The following GRIK2 variants were observed in gnomAD, a reference collection of about 807,000 sequenced individuals.
GRIK2 encodes the protein glutamate receptor ionotropic, kainate 2.
Under a neutral mutation model 100.3 loss-of-function variants are expected in GRIK2, and 32 were observed. The ratio of observed to expected loss-of-function variants is 0.32; its 90% CI spans 0.24 to 0.43. The LOEUF (loss-of-function observed/expected upper bound fraction) is 0.43. GRIK2 is among the 20% of genes least tolerant of loss of function. The pLI, the probability that GRIK2 is intolerant of heterozygous loss-of-function variation, is 1.00. For missense variants in GRIK2, 843 were observed against 1,114.9 expected, an observed-to-expected ratio of 0.76 and a Z score of 3.47; for synonymous variants, 417 against 389.4, an observed-to-expected ratio of 1.07 and a Z score of -0.83.
chr6:101,537,664 A>G (rs1271116147), intron 2 of GRIK2, among the ~76,000 whole-genome samples: 1 of 151,832 alleles, frequency 6.6e-6, no homozygotes, highest in East Asian at 1.9e-4. Flanking sequence ...ACTTATGAGA[A>G]CTATCAATAG....
chr6:101,447,959 A>G (rs151160542), intron 2 of GRIK2, among the ~76,000 whole-genome samples: 5 of 151,808 alleles, frequency 3.3e-5, no homozygotes, highest in East Asian at 1.9e-4. Flanking sequence ...AGTGAACTCA[A>G]TCATGTAGCA....
intron 4 of GRIK2, among the ~76,000 whole-genome samples, chr6:101,661,883 G>T (rs1453786089): frequency 6.6e-6 from 1 of 152,136 alleles, no homozygotes; most frequent in Non-Finnish European, 1.5e-5. Context: ...ATCTCTCTGG[G>T]AGCTGCAGAC....
intron 14 of GRIK2, among the ~76,000 whole-genome samples, chr6:101,995,614 T>A (rs1794609707): frequency 6.6e-6 from 1 of 151,932 alleles, no homozygotes. Flanking sequence ...TATTTCCAAA[T>A]AAGAAAAGAG....
intron 2 of GRIK2, among the ~76,000 whole-genome samples, chr6:101,613,947 A>G (rs1183627273): frequency 6.6e-6 from 1 of 151,664 alleles, no homozygotes; most frequent in African/African-American, 2.4e-5. Context: ...ATGATTAAAA[A>G]CTTTAGGAAA....
At chr6:101,398,052 A>G (rs992204655) in intron 1 of GRIK2, among the ~76,000 whole-genome samples, 6 of 152,156 alleles carry the variant, frequency 3.9e-5, no homozygotes, top group Non-Finnish European at 8.8e-5. Context: ...CAAGAGAGTC[A>G]CTACCTAGTG....
intron 7 of GRIK2, among the ~76,000 whole-genome samples, chr6:101,706,912 A>T (rs757535126): frequency 2.0e-5 from 3 of 151,890 alleles, no homozygotes; most frequent in Non-Finnish European, 4.4e-5. Flanking sequence ...GTTTCAGCAG[A>T]GCTTCTTCAT....
At chr6:101,529,340 A>T (rs1180846246) in intron 2 of GRIK2, among the ~76,000 whole-genome samples, 1 of 152,074 alleles carries the variant, frequency 6.6e-6, no homozygotes, top group African/African-American at 2.4e-5. Flanking sequence ...CGATAATTCC[A>T]TTATAGTCTC....
chr6:101,712,122 T>A (rs556128336), intron 7 of GRIK2, among the ~76,000 whole-genome samples: 79 of 151,936 alleles, frequency 5.2e-4, no homozygotes, highest in African/African-American at 1.9e-3. Flanking sequence ...TAAAAGATAT[T>A]TGAAATTGAA....
At chr6:101,653,043 C>T (rs1375599456) in intron 4 of GRIK2, among the ~76,000 whole-genome samples, 1 of 152,104 alleles carries the variant, frequency 6.6e-6, no homozygotes, top group African/African-American at 2.4e-5. Flanking sequence ...CCAAAATCTA[C>T]ACTTGTAGTT....
chr6:101,528,639 A>G lies in GRIK2; in HGVS notation c.116-93310A>G, dbSNP rs184230346. On this transcript the variant is annotated intron_variant, in intron 2 of 16. Transcript: ENST00000369134. ...TTCAAAGTGTTACTGGCTCAGGCTC[A>G]CTTTCGGGCAAGCCGGCTTATATCA... is the stretch of plus-strand genomic sequence containing the variant. 3.8e-3 allele frequency among the ~76,000 whole-genome samples: 584 copies of G among 152,278 alleles called. 7 individuals carry two copies. Among genetic ancestry groups the G allele is most frequent in the African/African-American group, 0.013 (558 of 41,564 alleles).
intron 2 of GRIK2, among the ~76,000 whole-genome samples, chr6:101,569,290 A>C (rs1243722468): frequency 6.6e-6 from 1 of 151,976 alleles, no homozygotes; most frequent in Admixed American, 6.6e-5. Context: ...GAAAAATAAA[A>C]TTAAGCAAAA....
chr6:101,806,434 A>G (rs1254458270), intron 9 of GRIK2, among the ~76,000 whole-genome samples: 1 of 151,990 alleles, frequency 6.6e-6, no homozygotes, highest in Non-Finnish European at 1.5e-5. Context: ...TCTCTCTTCA[A>G]TTCTGTTATA....
At chr6:101,526,409 T>A (rs1305539997) in intron 2 of GRIK2, among the ~76,000 whole-genome samples, 1 of 152,212 alleles carries the variant, frequency 6.6e-6, no homozygotes, top group Non-Finnish European at 1.5e-5. Flanking sequence ...GCTTATTTTT[T>A]AATGTTAAAC....
At chr6:101,904,217 T>C (rs924514443) in intron 12 of GRIK2, among the ~76,000 whole-genome samples, 13 of 151,558 alleles carry the variant, frequency 8.6e-5, no homozygotes, top group Non-Finnish European at 1.6e-4. Context: ...TTAAATCACT[T>C]GTAACAAGAC....
chr6:101,832,487 A>AC lies in GRIK2; in HGVS notation c.1317+14004_1317+14005insC, dbSNP rs1582330402. On this transcript the variant is annotated intron_variant, in intron 10 of 16. Transcript: ENST00000369134. ...ATCACAAATTATTAAAAGTTAGGCCATAAGAATATTAGCTCTTCATTCTGC... is the reference window on the plus strand; with the variant it reads ...ATCACAAATTATTAAAAGTTAGGCCACTAAGAATATTAGCTCTTCATTCTGC... Among the ~76,000 whole-genome samples the AC allele has an allele frequency of 8.5e-5, 13 of 152,314 alleles. No individual in the cohort carries two copies. The East Asian group carries it at 2.5e-3, about 29-fold the overall frequency.
At chr6:101,727,934 A>G (rs532173737) in intron 7 of GRIK2, among the ~76,000 whole-genome samples, 5 of 152,116 alleles carry the variant, frequency 3.3e-5, no homozygotes, top group Non-Finnish European at 5.9e-5. Context: ...AGCACAAAAA[A>G]TGATAAAATA....
intron 14 of GRIK2, among the ~76,000 whole-genome samples, chr6:102,006,368 TTA>T (rs3029070): frequency 0.012 from 1,568 of 125,762 alleles, 47 homozygotes; most frequent in African/African-American, 0.038. Context: ...GATAAACCTT[TTA>T]TATATATATA....
At chr6:101,987,550 TTAAA>T (rs1304613018) in intron 14 of GRIK2, among the ~76,000 whole-genome samples, 3 of 151,364 alleles carry the variant, frequency 2.0e-5, no homozygotes, top group Non-Finnish European at 4.4e-5. Flanking sequence ...ATAGGATTAA[TTAAA>T]TATATACTAA....
chr6:101,619,826 G>C (rs1780062439), intron 2 of GRIK2, among the ~76,000 whole-genome samples: 1 of 152,050 alleles, frequency 6.6e-6, no homozygotes, highest in Non-Finnish European at 1.5e-5. Flanking sequence ...AAAACTACTA[G>C]TTTGTAGTGG....
Sources: allele counts gnomAD v4.1 joint callset (sites outside exome capture counted in the v4.1 genomes callset), GRCh38; gene constraint gnomAD v4.1.1; transcripts MANE v1.5; gene names NCBI Gene and HGNC (gene_info 2026-07-23, HGNC 2026-07-21).